EDEM1: variants seen among roughly 807,000 people sequenced by gnomAD.
EDEM1 encodes the protein ER degradation-enhancing alpha-mannosidase-like protein 1.
In EDEM1, 67 loss-of-function variants were observed where a neutral mutation model predicts 74.4. The ratio of observed to expected loss-of-function variants is 0.90; its 90% CI spans 0.74 to 1.10. EDEM1 has a LOEUF of 1.10. Among genes scored for constraint, EDEM1 ranks in the 50% least tolerant of loss-of-function variants. EDEM1 has a pLI of 0.00. For synonymous variants in EDEM1, 382 were observed against 335.9 expected (o/e 1.14, Z -1.50); for missense variants, 926 against 851.6 (o/e 1.09, Z -1.09).
rs6766473 is a variant in EDEM1 at position 5,212,942 on chromosome 3, G to A, written c.1681-377G>A. On this transcript the variant is annotated intron_variant, in intron 10 of 11. Transcript: ENST00000256497. ...TCAGCATTTACAGTTCAGGGTCTAGGTGTGTGTGAGGTTGGGTGTAGTTCT... is the reference window on the plus strand; with the variant it reads ...TCAGCATTTACAGTTCAGGGTCTAGATGTGTGTGAGGTTGGGTGTAGTTCT... 8.0e-3 allele frequency among the ~76,000 whole-genome samples: 1,219 copies of A among 152,338 alleles called. 14 individuals carry two copies. The highest frequency in any genetic ancestry group is 0.02 in the Middle Eastern group (6 of 294).
At position 5,188,332 on chromosome 3, in the gene EDEM1, C is replaced by G. The variant is rs780762571; in HGVS notation, c.509+18C>G. 3.7e-5 allele frequency: 53 copies of G among 1,413,516 alleles called. No individual in the cohort carries two copies. In the South Asian group the frequency reaches 5.3e-4, roughly 14 times the overall value. 87.6% of individuals were successfully genotyped at this position (1,413,516 alleles called of 1,614,324 possible). ...GGGGACCCGTGAGTAGCCCCCGCCG[C>G]CCGGGGCCGCGCGCCCACGCGCTTC... On this transcript the variant is annotated intron_variant, in intron 1 of 11. Coordinates refer to ENST00000256497, the MANE Select transcript of EDEM1 (RefSeq NM_014674.3).
intron 1 of EDEM1, chr3:5,189,286 C>T (rs1477151990): frequency 1.3e-5 from 2 of 152,226 alleles, no homozygotes; most frequent in Non-Finnish European, 2.9e-5. Context: ...CATTTTCCTT[C>T]ACCTGGAGGA....
chr3:5,209,688 T>C (rs1040631254), intron 8 of EDEM1, among the ~76,000 whole-genome samples: 1 of 152,160 alleles, frequency 6.6e-6, no homozygotes, highest in African/African-American at 2.4e-5. Flanking sequence ...TTTCTCAGGG[T>C]GATTAGAAAG....
rs2054864860 is a variant in EDEM1, at chr3:5,188,854, C to T, written c.509+540C>T. Among the ~76,000 whole-genome samples the T allele has an allele frequency of 2.6e-5, 4 of 152,184 alleles. No individual in the cohort carries two copies. The South Asian group carries it at 8.3e-4, about 32-fold the overall frequency. Reference sequence around the variant, plus strand: ...AGTTTGAGGCAGAACGGGGTTACAGCCTCTCCTTCACAGGGGCTGCTTCTT... The same window carrying T: ...AGTTTGAGGCAGAACGGGGTTACAGTCTCTCCTTCACAGGGGCTGCTTCTT... On this transcript the variant is annotated intron_variant, in intron 1 of 11. Transcript: ENST00000256497.
rs1263214890 is a variant in EDEM1 at position 5,207,188 on chromosome 3, C to T, written c.1253C>T (p.Pro418Leu). 1.9e-6 allele frequency: 3 copies of T among 1,614,062 alleles called. No individual in the cohort carries two copies. The highest frequency in any genetic ancestry group is 1.1e-5 in the South Asian group (1 of 91,088). The change falls in exon 7 of 12, where the codon CCA becomes CTA. Residue 418 changes from proline (P) to leucine (L), a missense_variant. Coordinates refer to ENST00000256497, the MANE Select transcript of EDEM1 (RefSeq NM_014674.3). ...EACNEGEGDP[P>L]LYVNVNMFSG... is the part of the protein sequence containing the mutation. Reference sequence around the variant, plus strand: ...TGCAATGAAGGAGAAGGAGACCCTCCACTCTATGTCAACGTGAACATGTTC... The same window carrying T: ...TGCAATGAAGGAGAAGGAGACCCTCTACTCTATGTCAACGTGAACATGTTC...
intron 1 of EDEM1, chr3:5,189,462 T>A (rs1170130295): frequency 6.6e-6 from 1 of 152,258 alleles, no homozygotes; most frequent in Non-Finnish European, 1.5e-5. Flanking sequence ...TTCAAAGGAC[T>A]GAGCCTTTTC....
intron 6 of EDEM1, 128 bp from the exon 7 acceptor site, chr3:5,207,025 A>G: frequency 7.8e-7 from 1 of 1,283,372 alleles, no homozygotes; most frequent in Non-Finnish European, 1.1e-6. Flanking sequence ...GCAGAGGTTT[A>G]AGGAATGAGT....
At chr3:5,211,491 A>T in intron 10 of EDEM1, 1 of 365,856 alleles carries the variant, frequency 2.7e-6, no homozygotes, top group South Asian at 2.6e-5. Flanking sequence ...AACCAGTGTT[A>T]GTTCTGTATC....
At position 5,213,406 on chromosome 3, in the gene EDEM1, C is replaced by G. The variant is rs61743395; in HGVS notation, c.1768C>G (p.Leu590Val). ...ACACATTGTATCTGTGGATGAGCAT[C>G]TTCGGGAATTGCCATGGAAGGAATT... Reference protein sequence around the residue: ...EGHIVSVDEHLRELPWKEFFS... With the variant: ...EGHIVSVDEHVRELPWKEFFS... Residue 590 changes from leucine (L) to valine (V), a missense_variant, in exon 11 of 12, where the codon CTT becomes GTT. Transcript: ENST00000256497. 2,134 of 1,614,140 alleles carry G rather than the reference C, an allele frequency of 1.3e-3. 31 individuals carry two copies. The African/African-American group carries it at 0.026, about 20-fold the overall frequency.
intron 11 of EDEM1, among the ~76,000 whole-genome samples, chr3:5,214,145 G>A (rs2055202109): frequency 6.6e-6 from 1 of 152,232 alleles, no homozygotes; most frequent in South Asian, 2.1e-4. Flanking sequence ...GAAGCAGCAG[G>A]AAAAATTTGG....
rs2055248866 is a variant in EDEM1 at position 5,217,148 on chromosome 3, G to T, written c.*1230G>T. The T allele has an allele frequency of 6.6e-6, 1 of 152,664 alleles. No individual in the cohort carries two copies. Among genetic ancestry groups the T allele is most frequent in the East Asian group, 1.9e-4 (1 of 5,204 alleles). The allele number at this position is 152,664 out of a possible 1,614,324, so 9.5% of individuals were successfully genotyped here. On this transcript the variant is annotated 3_prime_UTR_variant, in exon 12 of 12. Transcript: ENST00000256497. ...AAGGGGGATGGAAATTGCTTGGCCA[G>T]TCTTTGCCTTTCATCCTGTAAAAGT...
intron 7 of EDEM1, among the ~76,000 whole-genome samples, 187 bp downstream of exon 7, chr3:5,207,460 A>C (rs2055112417): frequency 6.6e-6 from 1 of 152,108 alleles, no homozygotes; most frequent in South Asian, 2.1e-4. Context: ...GCCATTCCAC[A>C]CAAGTGCAAA....
intron 10 of EDEM1, among the ~76,000 whole-genome samples, chr3:5,211,738 T>C (rs1013819829): frequency 6.6e-6 from 1 of 152,156 alleles, no homozygotes; most frequent in African/African-American, 2.4e-5. Context: ...TATTACCTAA[T>C]GTTCATATGT....
At chr3:5,193,220 CTGTTGAAGCCCACTCTGT>C (rs1485209388) in intron 1 of EDEM1, among the ~76,000 whole-genome samples, 1 of 152,070 alleles carries the variant, frequency 6.6e-6, no homozygotes, top group South Asian at 2.1e-4. Context: ...ATGAGGTGGG[CTGTTGAAGCCCACTCTGT>C]TTCTAAGCGG....
intron 2 of EDEM1, among the ~76,000 whole-genome samples, chr3:5,197,593 G>C (rs2054984962): frequency 6.6e-6 from 1 of 152,204 alleles, no homozygotes; most frequent in Admixed American, 6.5e-5. Context: ...TAAGGAAACA[G>C]ACTCATCTCT....
chr3:5,219,434 G>A lies in EDEM1; in HGVS notation c.*3516G>A, dbSNP rs2106616541. The A allele has an allele frequency of 6.6e-6, 1 of 152,236 alleles. No individual in the cohort carries two copies. The highest frequency in any genetic ancestry group is 1.9e-4 in the East Asian group (1 of 5,158). The allele number at this position is 152,236 out of a possible 1,614,324, so 9.4% of individuals were successfully genotyped here. Reference sequence around the variant, plus strand: ...TCTAGTGCCTCTTCCCTGCAGGGCAGGGACCCCTTGGGAAATCGAGGAGGT... The same window carrying A: ...TCTAGTGCCTCTTCCCTGCAGGGCAAGGACCCCTTGGGAAATCGAGGAGGT... On this transcript the variant is annotated 3_prime_UTR_variant, in exon 12 of 12. Coordinates refer to ENST00000256497, the MANE Select transcript of EDEM1 (RefSeq NM_014674.3).
At chr3:5,214,710 G>C (rs75860203) in intron 11 of EDEM1, among the ~76,000 whole-genome samples, 3,036 of 152,294 alleles carry the variant, frequency 0.02, 49 homozygotes, top group African/African-American at 0.042. Context: ...GAGAGGTTCA[G>C]GTCCCACAGT....
rs779441853 is a variant in EDEM1, at chr3:5,188,328, G to T, written c.509+14G>T. On this transcript the variant is annotated intron_variant, in intron 1 of 11. Coordinates refer to ENST00000256497, the MANE Select transcript of EDEM1 (RefSeq NM_014674.3). The stretch of plus-strand genomic sequence containing the variant: ...CCGCGGGGACCCGTGAGTAGCCCCC[G>T]CCGCCCGGGGCCGCGCGCCCACGCG... 1 of 1,414,438 alleles carries T rather than the reference G, an allele frequency of 7.1e-7. No individual in the cohort carries two copies. The highest frequency in any genetic ancestry group is 3.0e-5 in the East Asian group (1 of 33,770). The allele number at this position is 1,414,438 out of a possible 1,614,324, so 87.6% of individuals were successfully genotyped here.
intron 1 of EDEM1, among the ~76,000 whole-genome samples, chr3:5,192,904 A>C (rs920309421): frequency 1.3e-5 from 2 of 151,918 alleles, no homozygotes; most frequent in Non-Finnish European, 1.5e-5. Flanking sequence ...AAGAAACCCC[A>C]CAGTTACTGC....
Sources: allele counts gnomAD v4.1 joint callset (sites outside exome capture counted in the v4.1 genomes callset), GRCh38; gene constraint gnomAD v4.1.1; transcripts MANE v1.5; gene names NCBI Gene and HGNC (gene_info 2026-07-23, HGNC 2026-07-21).